RFX3: variants seen among roughly 807,000 people sequenced by gnomAD.
The protein encoded by RFX3 is transcription factor RFX3.
Under a neutral mutation model 98.6 loss-of-function variants are expected in RFX3, and 14 were observed. That is an observed-to-expected ratio of 0.14 (90% CI 0.09 to 0.22). The LOEUF (loss-of-function observed/expected upper bound fraction) is 0.22, where lower values mean the gene tolerates loss of function less well. Ranked by LOEUF, RFX3 falls within the 10% of genes least tolerant of loss-of-function variation. The pLI, the probability that RFX3 is intolerant of heterozygous loss-of-function variation, is 1.00. For missense variants in RFX3, 639 were observed against 926.9 expected, an observed-to-expected ratio of 0.69 and a Z score of 4.03; for synonymous variants, 383 against 328.4, an observed-to-expected ratio of 1.17 and a Z score of -1.80.
At chr9:3,310,938 G>A (rs1829882566) in intron 4 of RFX3, among the ~76,000 whole-genome samples, 4 of 151,980 alleles carry the variant, frequency 2.6e-5, no homozygotes. Context: ...TTTCTAACTG[G>A]AAAAATTTAA....
chr9:3,462,673 T>C (rs1300291786), intron 1 of RFX3, among the ~76,000 whole-genome samples: 1 of 152,078 alleles, frequency 6.6e-6, no homozygotes, highest in Non-Finnish European at 1.5e-5. Flanking sequence ...ATAAAGCTAT[T>C]AGAAACAGTG....
rs145061752 is a variant in RFX3, at chr9:3,309,978, G to A, written c.475-8358C>T. ...GCAGAATAAAAGGACAGAGTGGGGAGAACAAGGTGGTACAAAAGAGGCTTT... is the reference window on the plus strand; with the variant it reads ...GCAGAATAAAAGGACAGAGTGGGGAAAACAAGGTGGTACAAAAGAGGCTTT... On this transcript the variant is annotated intron_variant, in intron 4 of 16. Coordinates refer to ENST00000617270, the MANE Select transcript of RFX3 (RefSeq NM_001282116.2). 1.4e-4 allele frequency among the ~76,000 whole-genome samples: 21 copies of A among 152,314 alleles called. No homozygotes were observed. The East Asian group carries it at 2.9e-3, about 21-fold the overall frequency.
chr9:3,464,078 TG>T (rs1292005053), intron 1 of RFX3, among the ~76,000 whole-genome samples: 3 of 152,178 alleles, frequency 2.0e-5, no homozygotes, highest in Non-Finnish European at 4.4e-5. Flanking sequence ...TACAAAGTAA[TG>T]TAACTGTAAT....
chr9:3,438,083 G>T (rs1279250763), intron 1 of RFX3, among the ~76,000 whole-genome samples: 1 of 152,030 alleles, frequency 6.6e-6, no homozygotes, highest in Admixed American at 6.6e-5. Context: ...TTCTCCATAT[G>T]ATCGTAAATA....
intron 15 of RFX3, among the ~76,000 whole-genome samples, chr9:3,237,979 A>C (rs1484021901): frequency 2.0e-5 from 3 of 151,840 alleles, no homozygotes; most frequent in Non-Finnish European, 4.4e-5. Context: ...TCTCAAAAAA[A>C]AAAAAAAAAA....
At chr9:3,444,137 A>G (rs1845835568) in intron 1 of RFX3, among the ~76,000 whole-genome samples, 1 of 152,232 alleles carries the variant, frequency 6.6e-6, no homozygotes, top group South Asian at 2.1e-4. Context: ...TTTAATCATG[A>G]TAATCAATAA....
At chr9:3,293,052 T>C in intron 6 of RFX3, 25 bp downstream of exon 6, 1 of 1,565,596 alleles carries the variant, frequency 6.4e-7, no homozygotes, top group South Asian at 1.2e-5. Flanking sequence ...GAGATTAGTT[T>C]ATGATCTTAT....
chr9:3,446,696 C>T (rs576008742), intron 1 of RFX3, among the ~76,000 whole-genome samples: 1 of 151,730 alleles, frequency 6.6e-6, no homozygotes, highest in East Asian at 1.9e-4. Flanking sequence ...TATTTTTATG[C>T]CTGATCAATA....
chr9:3,474,566 T>G (rs1849061778), intron 1 of RFX3, among the ~76,000 whole-genome samples: 1 of 152,218 alleles, frequency 6.6e-6, no homozygotes, highest in African/African-American at 2.4e-5. Context: ...TTAAAAGGTT[T>G]AGTATCACTG....
At chr9:3,468,858 C>T (rs1032528064) in intron 1 of RFX3, among the ~76,000 whole-genome samples, 3 of 146,500 alleles carry the variant, frequency 2.0e-5, no homozygotes, top group Admixed American at 6.8e-5. Flanking sequence ...GAAGAAAAAC[C>T]GCATACTTTC....
chr9:3,432,139 T>C (rs764822224), intron 1 of RFX3, among the ~76,000 whole-genome samples: 10 of 152,186 alleles, frequency 6.6e-5, no homozygotes, highest in Non-Finnish European at 1.2e-4. Flanking sequence ...TTGGTTCCAC[T>C]GATTCTTTGT....
chr9:3,483,068 C>T (rs1160617512), intron 1 of RFX3, among the ~76,000 whole-genome samples: 1 of 152,050 alleles, frequency 6.6e-6, no homozygotes, highest in Non-Finnish European at 1.5e-5. Flanking sequence ...TGCATTATGC[C>T]AGGATTCAGC....
intron 1 of RFX3, among the ~76,000 whole-genome samples, chr9:3,463,630 A>T (rs930073011): frequency 6.6e-6 from 1 of 152,182 alleles, no homozygotes; most frequent in Non-Finnish European, 1.5e-5. Context: ...CAGAATATGT[A>T]AATATATATA....
At chr9:3,509,129 G>A (rs1817414469) in intron 1 of RFX3, among the ~76,000 whole-genome samples, 1 of 151,862 alleles carries the variant, frequency 6.6e-6, no homozygotes, top group Non-Finnish European at 1.5e-5. Flanking sequence ...TAATAGCATA[G>A]TTGCCAGTAT....
At chr9:3,455,668 G>C (rs1305933557) in intron 1 of RFX3, among the ~76,000 whole-genome samples, 2 of 152,116 alleles carry the variant, frequency 1.3e-5, no homozygotes, top group African/African-American at 4.8e-5. Flanking sequence ...AATTCTTTCA[G>C]CCTTAAGTAT....
chr9:3,350,517 A>G (rs756520068), intron 2 of RFX3, among the ~76,000 whole-genome samples: 2 of 152,130 alleles, frequency 1.3e-5, no homozygotes, highest in East Asian at 3.9e-4. Flanking sequence ...GTTTCTAACA[A>G]CACTAAACAT....
At chr9:3,326,375 G>C (rs1391491892) in intron 4 of RFX3, among the ~76,000 whole-genome samples, 1 of 152,086 alleles carries the variant, frequency 6.6e-6, no homozygotes, top group Non-Finnish European at 1.5e-5. Flanking sequence ...AGGATGGGCA[G>C]GTTTGTTACA....
intron 2 of RFX3, among the ~76,000 whole-genome samples, chr9:3,360,593 T>C (rs746477607): frequency 2.0e-5 from 3 of 152,144 alleles, no homozygotes; most frequent in Non-Finnish European, 4.4e-5. Context: ...ATTAAAAAAC[T>C]TAACACTCTC....
At chr9:3,241,057 T>A (rs1215612590) in intron 15 of RFX3, among the ~76,000 whole-genome samples, 1 of 152,222 alleles carries the variant, frequency 6.6e-6, no homozygotes, top group Non-Finnish European at 1.5e-5. Context: ...TGAAATATTT[T>A]AAAAAGTCTT....
Sources: gnomAD v4.1 joint callset for allele counts (sites outside exome capture counted in the v4.1 genomes callset) on GRCh38, gnomAD v4.1.1 for gene constraint, MANE v1.5 for transcripts, NCBI Gene and HGNC (gene_info 2026-07-23, HGNC 2026-07-21) for gene names.